UBE4B: variants seen among roughly 807,000 people sequenced by gnomAD.
The protein encoded by UBE4B is ubiquitination factor E4B.
Under a neutral mutation model 148.1 loss-of-function variants are expected in UBE4B, and 27 were observed. The ratio of observed to expected loss-of-function variants is 0.18; its 90% CI spans 0.13 to 0.25. The LOEUF (loss-of-function observed/expected upper bound fraction) is 0.25. Among genes scored for constraint, UBE4B ranks in the 10% least tolerant of loss-of-function variants. The probability of loss-of-function intolerance (pLI) is 1.00; values close to 1 mark genes in which losing one functional copy is unlikely to be tolerated. For missense variants in UBE4B, 1,170 were observed against 1,662.4 expected, an observed-to-expected ratio of 0.70 and a Z score of 5.15; for synonymous variants, 596 against 619.3, an observed-to-expected ratio of 0.96 and a Z score of 0.56.
At chr1:10,064,419 C>T (rs1242950025) in intron 1 of UBE4B, among the ~76,000 whole-genome samples, 6 of 152,140 alleles carry the variant, frequency 3.9e-5, no homozygotes, top group Non-Finnish European at 7.3e-5. Context: ...TCTATGCATA[C>T]GTGCAGTAAG....
intron 23 of UBE4B, among the ~76,000 whole-genome samples, chr1:10,165,163 C>T (rs763059897): frequency 3.9e-5 from 6 of 152,192 alleles, no homozygotes; most frequent in Non-Finnish European, 5.9e-5. Context: ...GTGTCTCAAA[C>T]TCACTGTGTC....
At chr1:10,099,729 T>C (rs981485009) in intron 3 of UBE4B, among the ~76,000 whole-genome samples, 5 of 152,184 alleles carry the variant, frequency 3.3e-5, no homozygotes, top group African/African-American at 4.8e-5. Flanking sequence ...TGTGAAGTTT[T>C]AGTAATTAAG....
chr1:10,179,650 G>A, intron 27 of UBE4B, 88 bp downstream of exon 27: 1 of 1,572,268 alleles, frequency 6.4e-7, no homozygotes, highest in Non-Finnish European at 8.6e-7. Context: ...AAGCAGAAGG[G>A]AAATTTATCA....
At position 10,158,451 on chromosome 1, in the gene UBE4B, G is replaced by A; in HGVS notation, c.3022G>A (p.Ala1008Thr). Residue 1008 changes from alanine (A) to threonine (T), a missense_variant, in exon 22 of 28, where the codon GCT becomes ACT. By Grantham distance (58) the Ala-to-Thr change is moderately conservative (BLOSUM62 0). This residue lies in a region of UBE4B where 348 missense variants were observed against 627.2 expected (regional missense o/e 0.55). Transcript: ENST00000343090. Reference protein sequence around the residue: ...TIFKSLWQNIAHHGTFMEEFN... With the variant: ...TIFKSLWQNITHHGTFMEEFN... ...TTTTAAAAGCCTTTGGCAAAACATA[G>A]CTCACCATGGCACCTTTATGGAGGA... The A allele has an allele frequency of 6.2e-7, 1 of 1,614,104 alleles. No individual in the cohort carries two copies. Among genetic ancestry groups the A allele is most frequent in the East Asian group, 2.2e-5 (1 of 44,884 alleles).
Position 10,168,304 on chromosome 1 carries a change from T to C in UBE4B, c.3333+34T>C. 1 of 1,610,258 alleles carries C rather than the reference T, an allele frequency of 6.2e-7. No homozygotes were observed. The highest frequency in any genetic ancestry group is 8.5e-7 in the Non-Finnish European group (1 of 1,178,064). On this transcript the variant is annotated intron_variant, in intron 24 of 27. Transcript: ENST00000343090. This position sits in a 1 kb window ranked among gnomAD's most constrained non-coding sequence, Gnocchi z 4.9. ...AAACCCGGGGCTCTGTTTGGTGGTTTGGACTCCACATTCAGACTCTCTCAC... is the reference window on the plus strand; with the variant it reads ...AAACCCGGGGCTCTGTTTGGTGGTTCGGACTCCACATTCAGACTCTCTCAC...
chr1:10,039,276 G>T (rs943847500), intron 1 of UBE4B, among the ~76,000 whole-genome samples: 1 of 152,106 alleles, frequency 6.6e-6, no homozygotes, highest in Non-Finnish European at 1.5e-5. Flanking sequence ...GATACTTAAC[G>T]CTGAGTAGCA....
At chr1:10,097,962 C>G (rs2101879448) in intron 3 of UBE4B, among the ~76,000 whole-genome samples, 1 of 151,874 alleles carries the variant, frequency 6.6e-6, no homozygotes, top group African/African-American at 2.4e-5. Context: ...CCTCCGCCTC[C>G]TGGGTTCAAG....
At chr1:10,092,868 A>T (rs951343461) in intron 2 of UBE4B, among the ~76,000 whole-genome samples, 2 of 151,954 alleles carry the variant, frequency 1.3e-5, no homozygotes, top group African/African-American at 4.8e-5. Flanking sequence ...GAAGGAATGG[A>T]GTCCCCTGGT....
Position 10,033,579 on chromosome 1 carries a change from CT to C in UBE4B, c.-91del. The C allele has an allele frequency of 7.1e-7, 1 of 1,399,698 alleles. No individual in the cohort carries two copies. Among genetic ancestry groups the C allele is most frequent in the Non-Finnish European group, 9.4e-7 (1 of 1,059,484 alleles). 86.7% of individuals were successfully genotyped at this position (1,399,698 alleles called of 1,614,324 possible). On this transcript the variant is annotated 5_prime_UTR_variant, in exon 1 of 28. Coordinates refer to ENST00000343090, the MANE Select transcript of UBE4B (RefSeq NM_001105562.3). ...TCCCCCATTCGGGGGACCAGACAGC[CT>C]GATAGACACCTTCCACTCTCCTTCC...
intron 23 of UBE4B, among the ~76,000 whole-genome samples, chr1:10,164,794 A>G (rs1306134523): frequency 2.6e-5 from 4 of 151,996 alleles, no homozygotes; most frequent in Non-Finnish European, 5.9e-5. Context: ...TTAGGCTTCA[A>G]TTTCTTTCCC....
chr1:10,039,928 G>A (rs952625596), intron 1 of UBE4B, among the ~76,000 whole-genome samples: 4 of 152,058 alleles, frequency 2.6e-5, no homozygotes, highest in African/African-American at 7.2e-5. Flanking sequence ...TGTGGGAATG[G>A]AGGGGAGCAG....
At chr1:10,146,877 TCTC>T (rs773584652) in intron 18 of UBE4B, 83 bp from the exon 19 acceptor site, 2 of 1,520,736 alleles carry the variant, frequency 1.3e-6, no homozygotes, top group Non-Finnish European at 1.8e-6. Context: ...AAATTTCCCA[TCTC>T]CTGGCCCCAG....
intron 1 of UBE4B, among the ~76,000 whole-genome samples, chr1:10,044,137 C>T (rs1643870523): frequency 6.6e-6 from 1 of 151,828 alleles, no homozygotes; most frequent in Admixed American, 6.6e-5. Flanking sequence ...CTGCCAGGTG[C>T]CAGGTTCAAG....
intron 7 of UBE4B, among the ~76,000 whole-genome samples, chr1:10,117,041 A>G (rs779148298): frequency 2.6e-5 from 4 of 152,210 alleles, no homozygotes; most frequent in Non-Finnish European, 4.4e-5. Context: ...AGTCACAAAG[A>G]TGAGGGCTAT....
intron 25 of UBE4B, among the ~76,000 whole-genome samples, chr1:10,177,040 G>A (rs992565831): frequency 1.3e-5 from 2 of 150,796 alleles, no homozygotes; most frequent in Non-Finnish European, 3.0e-5. Flanking sequence ...GCCTGCCTTG[G>A]CCTCCCAAAG....
intron 2 of UBE4B, among the ~76,000 whole-genome samples, chr1:10,085,864 A>G (rs1644756551): frequency 6.6e-6 from 1 of 152,040 alleles, no homozygotes. Flanking sequence ...ATTTTGCCTC[A>G]CTGCAACGTC....
At position 10,168,630 on chromosome 1, in the gene UBE4B, C is replaced by T. The variant is rs958490065; in HGVS notation, c.3333+360C>T. On this transcript the variant is annotated intron_variant, in intron 24 of 27. Transcript: ENST00000343090. The surrounding 1 kb of genome is among the most constrained non-coding windows in gnomAD (Gnocchi z 4.9). The stretch of plus-strand genomic sequence containing the variant: ...ATAAGGTGCCGGGTGCGGTGGCTCA[C>T]GCCTGTAATCCCAGCACTTTGGGAG... Among the ~76,000 whole-genome samples, 13 of 152,132 alleles carry T rather than the reference C, an allele frequency of 8.5e-5. No homozygotes were observed. The highest frequency in any genetic ancestry group is 2.9e-4 in the African/African-American group (12 of 41,426).
chr1:10,067,598 G>C (rs1644411714), intron 1 of UBE4B, among the ~76,000 whole-genome samples: 1 of 151,860 alleles, frequency 6.6e-6, no homozygotes, highest in Non-Finnish European at 1.5e-5. Flanking sequence ...GCATCTCTTA[G>C]TAGTCAAATT....
intron 5 of UBE4B, among the ~76,000 whole-genome samples, chr1:10,103,626 GTTTTTGTTTTTT>G (rs907398686): frequency 8.5e-6 from 1 of 117,080 alleles, no homozygotes; most frequent in Non-Finnish European, 1.9e-5. Context: ...TGTTTGTTTT[GTTTTTGTTTTTT>G]TTTTTTTTTT....
Sources: gnomAD v4.1 joint callset for allele counts (sites outside exome capture counted in the v4.1 genomes callset) on GRCh38, gnomAD v4.1.1 for gene constraint, gnomAD v4.1.1 regional missense constraint, Gnocchi (gnomAD v3.1) non-coding constraint, MANE v1.5 for transcripts, NCBI Gene and HGNC (gene_info 2026-07-23, HGNC 2026-07-21) for gene names.